The following CACNA1A variants were observed in gnomAD, a reference collection of about 807,000 sequenced individuals.
The protein encoded by CACNA1A is calcium voltage-gated channel subunit alpha1 A.
A neutral mutation model predicts 262.4 loss-of-function variants in CACNA1A; 57 were observed. That is an observed-to-expected ratio of 0.22 (90% CI 0.18 to 0.27). The LOEUF (loss-of-function observed/expected upper bound fraction) is 0.27. CACNA1A is among the 10% of genes least tolerant of loss of function. The pLI is 1.00. For missense variants in CACNA1A, 2,526 were observed against 3,562.8 expected (o/e 0.71, Z 7.41); for synonymous variants, 1,431 against 1,419.3 (o/e 1.01, Z -0.18).
intron 24 of CACNA1A, chr19:13,271,212 C>CTTTTT (rs1568481313): frequency 2.9e-4 from 28 of 96,978 alleles, no homozygotes; most frequent in Admixed American, 4.9e-4. Context: ...AATCATTCTG[C>CTTTTT]TGTTTTTTTT....
intron 30 of CACNA1A, among the ~76,000 whole-genome samples, chr19:13,248,658 C>A (rs1053450712): frequency 1.3e-5 from 2 of 151,988 alleles, no homozygotes; most frequent in Non-Finnish European, 2.9e-5. Flanking sequence ...ACCTGGCTGA[C>A]GTGGTGAATC....
At chr19:13,255,782 T>TTCCCTCCCTCCC (rs2056546590) in intron 28 of CACNA1A, among the ~76,000 whole-genome samples, 1 of 100,214 alleles carries the variant, frequency 1.0e-5, no homozygotes, top group Non-Finnish European at 2.0e-5. Flanking sequence ...CCTCCTTTCC[T>TTCCCTCCCTCCC]TCCTTCCTCC....
At chr19:13,479,993 G>C (rs1400527800) in intron 1 of CACNA1A, among the ~76,000 whole-genome samples, 3 of 152,206 alleles carry the variant, frequency 2.0e-5, no homozygotes, top group Non-Finnish European at 4.4e-5. Context: ...GCAGAGTAGA[G>C]TGGTCCCAAA....
At chr19:13,376,596 TAA>T (rs1372487185) in intron 3 of CACNA1A, among the ~76,000 whole-genome samples, 1 of 148,478 alleles carries the variant, frequency 6.7e-6, no homozygotes, top group Non-Finnish European at 1.5e-5. Flanking sequence ...ATGAGATATA[TAA>T]CACATAATAT....
At chr19:13,355,513 G>A (rs1387232129) in intron 6 of CACNA1A, among the ~76,000 whole-genome samples, 1 of 152,196 alleles carries the variant, frequency 6.6e-6, no homozygotes, top group Non-Finnish European at 1.5e-5. Flanking sequence ...TACGTGACCA[G>A]GTTAACCCTG....
intron 1 of CACNA1A, among the ~76,000 whole-genome samples, chr19:13,476,818 T>C (rs1429253272): frequency 6.6e-6 from 1 of 152,132 alleles, no homozygotes; most frequent in Non-Finnish European, 1.5e-5. Context: ...ACCCCCACTA[T>C]TACCTGCCAG....
intron 30 of CACNA1A, 130 bp downstream of exon 30, chr19:13,252,861 T>C (rs2144725364): frequency 1.7e-6 from 1 of 581,092 alleles, no homozygotes; most frequent in East Asian, 2.9e-5. Flanking sequence ...CTGTGGCCAC[T>C]GGCAGGATAC....
At chr19:13,377,978 AC>A (rs890301673) in intron 3 of CACNA1A, among the ~76,000 whole-genome samples, 9 of 151,786 alleles carry the variant, frequency 5.9e-5, no homozygotes, top group South Asian at 2.1e-4. Context: ...AAATAAAAAA[AC>A]AATCCACAAC....
At position 13,346,569 on chromosome 19, in the gene CACNA1A, G is replaced by A. The variant is rs891177114; in HGVS notation, c.979-10660C>T. ...CTTTATTAATTGACATTCACCAAGGGAGAGAAGGAGAGAAATGTTTATTTA... is the reference window on the plus strand; with the variant it reads ...CTTTATTAATTGACATTCACCAAGGAAGAGAAGGAGAGAAATGTTTATTTA... On this transcript the variant is annotated intron_variant, in intron 6 of 46. Transcript: ENST00000360228. Among the ~76,000 whole-genome samples the A allele has an allele frequency of 2.2e-5, 3 of 136,924 alleles. No individual in the cohort carries two copies. The Admixed American group carries it at 2.3e-4, about 10-fold the overall frequency. 89.8% of individuals were successfully genotyped at this position (136,924 alleles called of 152,430 possible).
intron 3 of CACNA1A, among the ~76,000 whole-genome samples, chr19:13,383,816 G>A (rs774445109): frequency 6.6e-6 from 1 of 151,884 alleles, no homozygotes; most frequent in Non-Finnish European, 1.5e-5. Flanking sequence ...TTGTTTGTTT[G>A]TTTATTTATT....
intron 10 of CACNA1A, among the ~76,000 whole-genome samples, chr19:13,321,777 C>A (rs1045309358): frequency 6.6e-6 from 1 of 151,952 alleles, no homozygotes; most frequent in Non-Finnish European, 1.5e-5. Flanking sequence ...CTGGAAGTTG[C>A]TCTTGGTGAG....
rs1395962247 is a variant in CACNA1A at position 13,207,435 on chromosome 19, G to A, written c.7399C>T (p.Arg2467Trp). ...ASGPACASPS[R>W]HGRRLPNGYY... ...CCGTTGGGGAGTCGCCGGCCGTGCC[G>A]AGAAGGCGAGGCGCAGGCCGGGCCC... The change falls in exon 47 of 47, where the codon CGG becomes TGG. Residue 2467 changes from arginine to tryptophan, a missense_variant. Transcript: ENST00000360228. The surrounding 1 kb of genome is among the most constrained non-coding windows in gnomAD (Gnocchi z 5.7). The A allele has an allele frequency of 1.1e-5, 16 of 1,520,086 alleles. No homozygotes were observed. Among genetic ancestry groups the A allele is most frequent in the South Asian group, 2.4e-5 (2 of 83,910 alleles). 94.2% of individuals were successfully genotyped at this position (1,520,086 alleles called of 1,614,324 possible). A position where few individuals can be genotyped will look rare whatever the true frequency, so the allele number is the denominator to read the frequency against.
intron 31 of CACNA1A, chr19:13,235,956 A>G (rs1364605127): frequency 1.3e-5 from 6 of 477,840 alleles, no homozygotes; most frequent in African/African-American, 1.2e-4. Flanking sequence ...AAAGGCATCA[A>G]CTCAAAAGCA....
intron 1 of CACNA1A, among the ~76,000 whole-genome samples, chr19:13,481,428 C>T (rs1405284020): frequency 1.3e-5 from 2 of 152,130 alleles, no homozygotes; most frequent in African/African-American, 4.8e-5. Flanking sequence ...AGGGGTTGCT[C>T]TTCCGTTCTC....
Position 13,212,760 on chromosome 19 carries a change from G to A in CACNA1A, c.5941-20C>T. On this transcript the variant is annotated intron_variant, in intron 40 of 46. Coordinates refer to ENST00000360228, the MANE Select transcript of CACNA1A (RefSeq NM_001127222.2). The surrounding 1 kb of genome is among the most constrained non-coding windows in gnomAD (Gnocchi z 5.6). The stretch of plus-strand genomic sequence containing the variant: ...CCGGTCCTGGGGAATGGGGCAGAGA[G>A]CAGTGTGTGGACAAGGGTGGGGTGG... The A allele has an allele frequency of 7.2e-7, 1 of 1,398,600 alleles. No individual in the cohort carries two copies. Among genetic ancestry groups the A allele is most frequent in the Non-Finnish European group, 9.6e-7 (1 of 1,040,528 alleles). The allele number at this position is 1,398,600 out of a possible 1,614,324, so 86.6% of individuals were successfully genotyped here. A position where few individuals can be genotyped will look rare whatever the true frequency, so the allele number is the denominator to read the frequency against.
chr19:13,279,307 C>T (rs918155495), intron 22 of CACNA1A, among the ~76,000 whole-genome samples: 1 of 152,008 alleles, frequency 6.6e-6, no homozygotes, highest in Non-Finnish European at 1.5e-5. Context: ...TCAGTCTAAT[C>T]CAAAAAAGTG....
At chr19:13,211,786 C>T (rs1034651969) in intron 43 of CACNA1A, 3 of 343,448 alleles carry the variant, frequency 8.7e-6, no homozygotes, top group Middle Eastern at 1.7e-3. Context: ...CCCTGCTGCA[C>T]CCACAAATCT....
In CACNA1A at chr19:13,502,157, TAAAAAAA is replaced by T. The variant is rs57962801; in HGVS notation, c.293+3768_293+3774del. Among the ~76,000 whole-genome samples, 63 of 138,074 alleles carry T rather than the reference TAAAAAAA, an allele frequency of 4.6e-4. 1 individual carries two copies. The highest frequency in any genetic ancestry group is 1.5e-3 in the African/African-American group (55 of 37,800). 90.6% of individuals were successfully genotyped at this position (138,074 alleles called of 152,430 possible). On this transcript the variant is annotated intron_variant, in intron 1 of 46. Coordinates refer to ENST00000360228, the MANE Select transcript of CACNA1A (RefSeq NM_001127222.2). ...AAGTTTCTCTTTAGAGAGCTTTTCT[TAAAAAAA>T]AAAAAAAAAAAAAAAATGAGAGGAG... is the stretch of plus-strand genomic sequence containing the variant.
intron 10 of CACNA1A, among the ~76,000 whole-genome samples, chr19:13,324,712 TCAA>T (rs77586684): frequency 0.12 from 18,874 of 151,728 alleles, 2,122 homozygotes; most frequent in African/African-American, 0.31. Flanking sequence ...AACAACAACA[TCAA>T]CAACAACAAC....
Sources: allele counts gnomAD v4.1 joint callset (sites outside exome capture counted in the v4.1 genomes callset), GRCh38; gene constraint gnomAD v4.1.1; non-coding constraint Gnocchi (gnomAD v3.1); transcripts MANE v1.5; gene names NCBI Gene and HGNC (gene_info 2026-07-23, HGNC 2026-07-21).